Variants in MRTFB observed in about 807,000 individuals in gnomAD.
The protein encoded by MRTFB is myocardin related transcription factor B, also known as myocardin-related transcription factor B.
In MRTFB, 29 loss-of-function variants were observed where a neutral mutation model predicts 104.2. That is an observed-to-expected ratio of 0.28 (90% CI 0.21 to 0.38). The LOEUF is 0.38. MRTFB is among the 10% of genes least tolerant of loss of function. MRTFB has a pLI of 1.00. For missense variants in MRTFB, 1,270 were observed against 1,341.6 expected (o/e 0.95, Z 0.83); for synonymous variants, 535 against 519.5 (o/e 1.03, Z -0.41).
intron 2 of MRTFB, among the ~76,000 whole-genome samples, chr16:14,136,417 A>G (rs2037724193): frequency 6.6e-6 from 1 of 152,234 alleles, no homozygotes; most frequent in South Asian, 2.1e-4. Context: ...CCTCTGTGTA[A>G]GATGAGAGGT....
chr16:14,017,607 A>G, the MRTFB span, among the ~76,000 whole-genome samples: 28 of 8,474 alleles, frequency 3.3e-3, no homozygotes, highest in African/African-American at 0.011. Context: ...ATATATATAT[A>G]TATATATATA....
chr16:14,072,597 A>T (rs947109671), intron 1 of MRTFB, among the ~76,000 whole-genome samples: 3 of 152,192 alleles, frequency 2.0e-5, no homozygotes, highest in African/African-American at 7.2e-5. Flanking sequence ...AGGTGAGGGG[A>T]TCTCTTGAGC....
intron 7 of MRTFB, 37 bp downstream of exon 7, chr16:14,217,324 G>C (rs2041471172): frequency 6.5e-7 from 1 of 1,540,932 alleles, no homozygotes. Context: ...GGGTGAGAAA[G>C]AGAAACTTGG....
intron 8 of MRTFB, among the ~76,000 whole-genome samples, chr16:14,225,581 A>C (rs959669683): frequency 1.1e-4 from 16 of 152,354 alleles, no homozygotes; most frequent in Non-Finnish European, 1.3e-4. Context: ...CCAGTTTCTC[A>C]GAGAGAAATA....
intron 3 of MRTFB, chr16:14,186,606 A>C: frequency 1.2e-6 from 1 of 831,814 alleles, no homozygotes; most frequent in Non-Finnish European, 1.6e-6. Flanking sequence ...GGAAGCTGGA[A>C]TGGCAAGGGA....
At chr16:14,235,107 TCTC>T (rs2042437278) in intron 9 of MRTFB, among the ~76,000 whole-genome samples, 1 of 152,292 alleles carries the variant, frequency 6.6e-6, no homozygotes, top group Non-Finnish European at 1.5e-5. Context: ...AGTCTAGCTC[TCTC>T]CTGCCTCCCC....
intron 2 of MRTFB, among the ~76,000 whole-genome samples, chr16:14,120,141 T>C (rs1483838310): frequency 6.6e-6 from 1 of 152,208 alleles, no homozygotes; most frequent in Non-Finnish European, 1.5e-5. Flanking sequence ...TGTATGTTCT[T>C]TTTCTTATGT....
At chr16:14,214,420 C>G (rs552883043) in intron 6 of MRTFB, among the ~76,000 whole-genome samples, 2 of 152,322 alleles carry the variant, frequency 1.3e-5, no homozygotes, top group South Asian at 4.1e-4. Context: ...GGTTTGTTCT[C>G]TGGGCCTAAT....
chr16:14,085,437 A>G (rs980546320), intron 2 of MRTFB, among the ~76,000 whole-genome samples: 7 of 149,742 alleles, frequency 4.7e-5, no homozygotes, highest in African/African-American at 1.3e-4. Flanking sequence ...AGCCTGGGCA[A>G]TAAGAGTGAA....
the MRTFB span, among the ~76,000 whole-genome samples, chr16:14,021,444 G>T: frequency 1.3e-5 from 2 of 152,262 alleles, no homozygotes; most frequent in Middle Eastern, 6.8e-3. Context: ...ATTTCCATAA[G>T]TTTTTGGGGA....
chr16:14,253,857 G>A (rs2043359603), intron 15 of MRTFB, among the ~76,000 whole-genome samples: 2 of 152,208 alleles, frequency 1.3e-5, no homozygotes, highest in Non-Finnish European at 2.9e-5. Flanking sequence ...TCAAAGACGG[G>A]TTCAAATATT....
At chr16:14,130,183 CT>C (rs2037367863) in intron 2 of MRTFB, among the ~76,000 whole-genome samples, 1 of 152,124 alleles carries the variant, frequency 6.6e-6, no homozygotes, top group Non-Finnish European at 1.5e-5. Flanking sequence ...GGGTTTTTAT[CT>C]TTTTTTCTTT....
intron 9 of MRTFB, among the ~76,000 whole-genome samples, chr16:14,238,651 G>A (rs1401813821): frequency 2.0e-5 from 3 of 152,100 alleles, no homozygotes; most frequent in African/African-American, 7.2e-5. Flanking sequence ...TTGTACATGT[G>A]GATATTAAAA....
chr16:14,076,048 C>T (rs1275520378), intron 1 of MRTFB, among the ~76,000 whole-genome samples: 1 of 151,852 alleles, frequency 6.6e-6, no homozygotes, highest in Non-Finnish European at 1.5e-5. Context: ...TGTATAGATG[C>T]AGATACAAGC....
chr16:14,102,801 ATAT>A (rs2035769285), intron 2 of MRTFB, among the ~76,000 whole-genome samples: 1 of 152,222 alleles, frequency 6.6e-6, no homozygotes, highest in Admixed American at 6.5e-5. Context: ...GAGTTTAATA[ATAT>A]TCACATAGTA....
chr16:14,204,836 TTA>T (rs938102507), intron 3 of MRTFB, among the ~76,000 whole-genome samples: 1 of 152,224 alleles, frequency 6.6e-6, no homozygotes, highest in Non-Finnish European at 1.5e-5. Context: ...TGATCATGCT[TTA>T]TATATATTAC....
chr16:14,073,126 C>T (rs1361227679), intron 1 of MRTFB, among the ~76,000 whole-genome samples: 1 of 152,190 alleles, frequency 6.6e-6, no homozygotes, highest in African/African-American at 2.4e-5. Context: ...CTACTTTCTC[C>T]TACATTACTG....
chr16:14,032,381 T>C, the MRTFB span, among the ~76,000 whole-genome samples: 1 of 152,174 alleles, frequency 6.6e-6, no homozygotes, highest in Non-Finnish European at 1.5e-5. Context: ...AGGAGAGTGA[T>C]GTGTTCAGAG....
chr16:14,252,548 C>G (rs1166783087), intron 15 of MRTFB, 46 bp downstream of exon 15: 1 of 1,609,072 alleles, frequency 6.2e-7, no homozygotes, highest in Non-Finnish European at 8.5e-7. Flanking sequence ...GGTGGATGTG[C>G]CCACGTTCAG....
Sources: gnomAD v4.1 joint callset for allele counts (sites outside exome capture counted in the v4.1 genomes callset) on GRCh38, gnomAD v4.1.1 for gene constraint, MANE v1.5 for transcripts, NCBI Gene and HGNC (gene_info 2026-07-23, HGNC 2026-07-21) for gene names.